The following FAM78B variants were observed in gnomAD, a reference collection of about 807,000 sequenced individuals.
FAM78B encodes the protein protein FAM78B.
In FAM78B, 10 loss-of-function variants were observed where a neutral mutation model predicts 20.0. The observed-to-expected ratio is 0.50, with a 90% CI of 0.31 to 0.85. FAM78B has a LOEUF of 0.85. Among genes scored for constraint, FAM78B ranks in the 40% least tolerant of loss-of-function variants. FAM78B has a pLI of 0.05. For synonymous variants in FAM78B, 135 were observed against 132.8 expected (o/e 1.02, Z -0.12); for missense variants, 283 against 345.0 (o/e 0.82, Z 1.42).
At chr1:166,165,398 T>C (rs1298282095) in intron 1 of FAM78B, among the ~76,000 whole-genome samples, 1 of 152,134 alleles carries the variant, frequency 6.6e-6, no homozygotes, top group African/African-American at 2.4e-5. Context: ...GAGAGGCAAC[T>C]GTGTCCGGCT....
intron 1 of FAM78B, among the ~76,000 whole-genome samples, chr1:166,134,516 G>GTAGTAA (rs1412557393): frequency 6.6e-6 from 1 of 150,834 alleles, no homozygotes; most frequent in East Asian, 1.9e-4. Flanking sequence ...CATTAAAGTA[G>GTAGTAA]TAATAATAAT....
chr1:166,129,457 G>A (rs978866593), intron 1 of FAM78B, among the ~76,000 whole-genome samples: 1 of 152,184 alleles, frequency 6.6e-6, no homozygotes, highest in Non-Finnish European at 1.5e-5. Context: ...TCTCTGCAAT[G>A]AACAAAGCAT....
intron 1 of FAM78B, among the ~76,000 whole-genome samples, chr1:166,102,949 T>C (rs1187956134): frequency 1.3e-5 from 2 of 152,118 alleles, no homozygotes; most frequent in African/African-American, 2.4e-5. Flanking sequence ...ATTGACCACA[T>C]AGTTGGAAGT....
chr1:166,101,939 A>C (rs970481061), intron 1 of FAM78B, among the ~76,000 whole-genome samples: 5 of 152,192 alleles, frequency 3.3e-5, no homozygotes, highest in Non-Finnish European at 7.3e-5. Context: ...GAAGGAAAAA[A>C]TGTTAAGGGC....
chr1:166,078,292 G>A (rs1343616959), intron 1 of FAM78B, among the ~76,000 whole-genome samples: 1 of 152,022 alleles, frequency 6.6e-6, no homozygotes, highest in Non-Finnish European at 1.5e-5. Flanking sequence ...ACCTCCCAAA[G>A]TGCTGGGATT....
intron 1 of FAM78B, among the ~76,000 whole-genome samples, chr1:166,132,968 G>A (rs1021389322): frequency 6.6e-6 from 1 of 152,190 alleles, no homozygotes; most frequent in Non-Finnish European, 1.5e-5. Context: ...TCTGGGATAT[G>A]AGAACAATCT....
intron 1 of FAM78B, among the ~76,000 whole-genome samples, chr1:166,092,185 T>C (rs373077192): frequency 4.0e-4 from 61 of 152,302 alleles, no homozygotes; most frequent in African/African-American, 1.3e-3. Context: ...CAGAAATAAT[T>C]AGCTAATGAG....
Position 166,077,927 on chromosome 1 carries a change from A to T in FAM78B, c.264-7164T>A, listed in dbSNP as rs1231000715. ...ATATATATAATTATATATATAATAA[A>T]TATATAATAATATATATAATTTATA... is the stretch of plus-strand genomic sequence containing the variant. On this transcript the variant is annotated intron_variant, in intron 1 of 1. Coordinates refer to ENST00000354422, the MANE Select transcript of FAM78B (RefSeq NM_001017961.5). Among the ~76,000 whole-genome samples the T allele has an allele frequency of 7.5e-4, 11 of 14,648 alleles. 2 individuals are homozygous for T. Among genetic ancestry groups the T allele is most frequent in the African/African-American group, 3.5e-3 (11 of 3,120 alleles). The allele number at this position is 14,648 out of a possible 152,430, so 9.6% of individuals were successfully genotyped here.
rs1165557215 is a variant in FAM78B, at chr1:166,166,699, GGCA to G, written c.-454_-452del. ...CGCCCGGTCTGTCTGCCTCCGCGGC[GGCA>G]GCAGCAGCAGCCGCCGCCGCCGCCG... On this transcript the variant is annotated 5_prime_UTR_variant, in exon 1 of 2. Coordinates refer to ENST00000354422, the MANE Select transcript of FAM78B (RefSeq NM_001017961.5). The G allele has an allele frequency of 3.3e-5, 5 of 149,540 alleles. No homozygotes were observed. Among genetic ancestry groups the G allele is most frequent in the African/African-American group, 7.3e-5 (3 of 41,102 alleles). 9.3% of individuals were successfully genotyped at this position (149,540 alleles called of 1,614,324 possible).
At chr1:166,162,017 T>C (rs1240848488) in intron 1 of FAM78B, among the ~76,000 whole-genome samples, 2 of 152,054 alleles carry the variant, frequency 1.3e-5, no homozygotes, top group Non-Finnish European at 2.9e-5. Context: ...TAACTGTACT[T>C]TGAGGTAAGA....
chr1:166,068,813 T>C (rs1156647928), downstream of FAM78B, among the ~76,000 whole-genome samples: 1 of 152,120 alleles, frequency 6.6e-6, no homozygotes, highest in East Asian at 1.9e-4. Context: ...ATATATATGG[T>C]TGAATTATTG....
At chr1:166,132,944 C>A (rs989953904) in intron 1 of FAM78B, among the ~76,000 whole-genome samples, 3 of 152,118 alleles carry the variant, frequency 2.0e-5, no homozygotes, top group African/African-American at 7.2e-5. Flanking sequence ...GGTGTAACTG[C>A]CATATTTATG....
At chr1:166,117,689 G>T (rs1449081418) in intron 1 of FAM78B, among the ~76,000 whole-genome samples, 1 of 152,208 alleles carries the variant, frequency 6.6e-6, no homozygotes, top group African/African-American at 2.4e-5. Flanking sequence ...GGCACTGGAG[G>T]TCTCACTGGT....
At chr1:166,078,688 G>A (rs1276616906) in intron 1 of FAM78B, among the ~76,000 whole-genome samples, 1 of 152,196 alleles carries the variant, frequency 6.6e-6, no homozygotes, top group Non-Finnish European at 1.5e-5. Context: ...AAGCCCTGCA[G>A]TCACTGGGGA....
intron 1 of FAM78B, among the ~76,000 whole-genome samples, chr1:166,080,715 T>C (rs1652532158): frequency 6.6e-6 from 1 of 152,216 alleles, no homozygotes; most frequent in African/African-American, 2.4e-5. Flanking sequence ...TCATCTAACG[T>C]GAAGGAGAGC....
intron 1 of FAM78B, among the ~76,000 whole-genome samples, chr1:166,072,050 G>A (rs948361158): frequency 6.6e-6 from 1 of 152,176 alleles, no homozygotes; most frequent in Non-Finnish European, 1.5e-5. Flanking sequence ...AGATGAGACT[G>A]CTTTATTCAT....
intron 1 of FAM78B, chr1:166,147,860 T>C (rs1655521691): frequency 6.6e-6 from 1 of 152,240 alleles, no homozygotes; most frequent in South Asian, 2.1e-4. Context: ...GGTCTTGAAC[T>C]CCTGGGCTCA....
intron 1 of FAM78B, among the ~76,000 whole-genome samples, chr1:166,149,773 G>A (rs1249476574): frequency 1.3e-5 from 2 of 152,118 alleles, no homozygotes; most frequent in Non-Finnish European, 2.9e-5. Context: ...TCCACACAGG[G>A]AATCCCCATG....
At chr1:166,119,786 G>A (rs2101767177) in intron 1 of FAM78B, among the ~76,000 whole-genome samples, 1 of 152,322 alleles carries the variant, frequency 6.6e-6, no homozygotes, top group South Asian at 2.1e-4. Context: ...TGTCGTAAGT[G>A]GCCACACGAG....
Sources: allele counts gnomAD v4.1 joint callset (sites outside exome capture counted in the v4.1 genomes callset), GRCh38; gene constraint gnomAD v4.1.1; transcripts MANE v1.5; gene names NCBI Gene and HGNC (gene_info 2026-07-23, HGNC 2026-07-21).